The following MAGI2 variants were observed in gnomAD, a reference collection of about 807,000 sequenced individuals.
The protein encoded by MAGI2 is membrane-associated guanylate kinase, WW and PDZ domain-containing protein 2.
In MAGI2, 35 loss-of-function variants were observed where a neutral mutation model predicts 133.3. The observed-to-expected ratio is 0.26, with a 90% CI of 0.20 to 0.35. The LOEUF (loss-of-function observed/expected upper bound fraction) is 0.35, where lower values mean the gene tolerates loss of function less well. Among genes scored for constraint, MAGI2 ranks in the 10% least tolerant of loss-of-function variants. MAGI2 has a pLI of 1.00. For missense variants in MAGI2, 1,636 were observed against 1,863.4 expected, an observed-to-expected ratio of 0.88 and a Z score of 2.25; for synonymous variants, 729 against 710.6, an observed-to-expected ratio of 1.03 and a Z score of -0.41.
chr7:78,667,854 T>C (rs950750514), intron 2 of MAGI2, among the ~76,000 whole-genome samples: 2 of 152,164 alleles, frequency 1.3e-5, no homozygotes, highest in African/African-American at 4.8e-5. Flanking sequence ...TAAACATACG[T>C]GTGCATGTGT....
At chr7:78,837,008 A>G (rs1791686132) in intron 2 of MAGI2, among the ~76,000 whole-genome samples, 2 of 152,230 alleles carry the variant, frequency 1.3e-5, no homozygotes, top group African/African-American at 4.8e-5. Flanking sequence ...AATTTATCAT[A>G]GACCTTCACA....
intron 6 of MAGI2, among the ~76,000 whole-genome samples, chr7:78,385,117 C>T (rs575449327): frequency 2.0e-5 from 3 of 152,260 alleles, no homozygotes; most frequent in African/African-American, 7.2e-5. Context: ...CATAGATTCC[C>T]TACTTTATTC....
chr7:78,921,960 C>T (rs1204694944), intron 2 of MAGI2, among the ~76,000 whole-genome samples: 1 of 151,914 alleles, frequency 6.6e-6, no homozygotes, highest in East Asian at 1.9e-4. Context: ...AATACCATTG[C>T]CTCCAGAGCC....
intron 6 of MAGI2, among the ~76,000 whole-genome samples, chr7:78,466,089 TCA>T (rs1790598222): frequency 6.6e-6 from 1 of 152,114 alleles, no homozygotes; most frequent in South Asian, 2.1e-4. Context: ...AGGGCCTGCA[TCA>T]CAGTGAAATG....
intron 4 of MAGI2, among the ~76,000 whole-genome samples, chr7:78,516,751 T>C (rs982864215): frequency 6.6e-6 from 1 of 152,158 alleles, no homozygotes; most frequent in African/African-American, 2.4e-5. Flanking sequence ...TAGGGAACTA[T>C]AGTCCACAAA....
chr7:78,846,175 A>G (rs560586312), intron 2 of MAGI2, among the ~76,000 whole-genome samples: 1 of 151,980 alleles, frequency 6.6e-6, no homozygotes, highest in South Asian at 2.1e-4. Context: ...AGTAATGTCA[A>G]TCAGATTTCA....
chr7:78,880,261 G>A (rs537569342), intron 2 of MAGI2, among the ~76,000 whole-genome samples: 1 of 152,146 alleles, frequency 6.6e-6, no homozygotes, highest in South Asian at 2.1e-4. Flanking sequence ...TATCAACAAG[G>A]CACATAGTCA....
At chr7:79,200,463 T>A (rs1368616009) in intron 1 of MAGI2, among the ~76,000 whole-genome samples, 3 of 149,250 alleles carry the variant, frequency 2.0e-5, no homozygotes, top group Non-Finnish European at 4.4e-5. Flanking sequence ...AAAAAAAAAT[T>A]AGCCAGATTT....
chr7:78,235,674 A>G (rs1209936387), intron 10 of MAGI2, among the ~76,000 whole-genome samples: 4 of 152,132 alleles, frequency 2.6e-5, no homozygotes, highest in Admixed American at 6.6e-5. Context: ...CCGTGAGTCA[A>G]TTAAACCTCT....
At chr7:79,382,501 A>G (rs2129143755) in intron 1 of MAGI2, among the ~76,000 whole-genome samples, 1 of 151,600 alleles carries the variant, frequency 6.6e-6, no homozygotes, top group Non-Finnish European at 1.5e-5. Context: ...AATGCTTGGG[A>G]CCTAAATCAC....
At chr7:79,402,157 T>C (rs1220336671) in intron 1 of MAGI2, among the ~76,000 whole-genome samples, 1 of 152,122 alleles carries the variant, frequency 6.6e-6, no homozygotes, top group Admixed American at 6.6e-5. Flanking sequence ...GGCTCTATAG[T>C]TCTAGGAAAA....
intron 6 of MAGI2, among the ~76,000 whole-genome samples, chr7:78,379,565 G>A (rs1280517758): frequency 2.6e-5 from 4 of 151,916 alleles, no homozygotes; most frequent in Non-Finnish European, 5.9e-5. Flanking sequence ...GTAACTACAG[G>A]AGCTGTGAGG....
chr7:78,465,191 A>G (rs1279312506), intron 6 of MAGI2, among the ~76,000 whole-genome samples: 1 of 152,184 alleles, frequency 6.6e-6, no homozygotes, highest in East Asian at 1.9e-4. Context: ...ACACACACAT[A>G]TGGCATTAGT....
chr7:78,113,432 C>T (rs1004980316), intron 20 of MAGI2, among the ~76,000 whole-genome samples: 13 of 152,118 alleles, frequency 8.5e-5, no homozygotes, highest in Non-Finnish European at 1.3e-4. Flanking sequence ...TACAGTCGTG[C>T]ACCACATAAT....
intron 2 of MAGI2, among the ~76,000 whole-genome samples, chr7:78,961,124 T>C (rs1802801031): frequency 6.6e-6 from 1 of 152,170 alleles, no homozygotes; most frequent in Admixed American, 6.6e-5. Context: ...AATGTATTTA[T>C]TTTTATGTAC....
At chr7:78,547,258 G>A (rs546456384) in intron 3 of MAGI2, among the ~76,000 whole-genome samples, 1 of 152,268 alleles carries the variant, frequency 6.6e-6, no homozygotes, top group South Asian at 2.1e-4. Flanking sequence ...ATTAAAATAA[G>A]TAAGATTATT....
intron 1 of MAGI2, among the ~76,000 whole-genome samples, chr7:79,208,568 T>C (rs1041890059): frequency 6.6e-6 from 1 of 151,962 alleles, no homozygotes; most frequent in Non-Finnish European, 1.5e-5. Flanking sequence ...AGAATCCTTG[T>C]ACACTGCTGG....
At chr7:78,930,398 G>A (rs1345777319) in intron 2 of MAGI2, among the ~76,000 whole-genome samples, 2 of 152,078 alleles carry the variant, frequency 1.3e-5, no homozygotes, top group Admixed American at 6.6e-5. Context: ...CAGCTCATTA[G>A]CATCTACAGA....
intron 2 of MAGI2, among the ~76,000 whole-genome samples, chr7:78,756,451 A>G (rs1043604200): frequency 2.2e-4 from 33 of 152,048 alleles, no homozygotes; most frequent in Admixed American, 1.8e-3. Flanking sequence ...TCTGGAGGCA[A>G]TTGGGACTAT....
Sources: gnomAD v4.1 joint callset for allele counts (sites outside exome capture counted in the v4.1 genomes callset) on GRCh38, gnomAD v4.1.1 for gene constraint, MANE v1.5 for transcripts, NCBI Gene and HGNC (gene_info 2026-07-23, HGNC 2026-07-21) for gene names.